The following GPC1 variants were observed in gnomAD, a reference collection of about 807,000 sequenced individuals.
GPC1 encodes the protein glypican 1.
GPC1 carries 26 observed loss-of-function variants against 51.5 expected under a neutral mutation model. The ratio of observed to expected loss-of-function variants is 0.50; its 90% CI spans 0.37 to 0.70. The LOEUF (loss-of-function observed/expected upper bound fraction) is 0.70. GPC1 is among the 30% of genes least tolerant of loss of function. The probability of loss-of-function intolerance (pLI) is 0.00; values close to 1 mark genes in which losing one functional copy is unlikely to be tolerated. For synonymous variants in GPC1, 380 were observed against 348.3 expected (o/e 1.09, Z -1.01); for missense variants, 775 against 800.5 (o/e 0.97, Z 0.38).
rs908999792 is a variant in GPC1 at position 240,464,724 on chromosome 2, A to G, written c.992A>G (p.Asn331Ser). The G allele has an allele frequency of 3.1e-6, 5 of 1,610,874 alleles. No individual in the cohort carries two copies. The highest frequency in any genetic ancestry group is 2.7e-5 in the African/African-American group (2 of 74,870). The change falls in exon 5 of 9, where the codon AAC becomes AGC. Residue 331 changes from asparagine to serine, a missense_variant. Transcript: ENST00000264039. The stretch of plus-strand genomic sequence containing the variant: ...GAGGCCATCAACGCCCTCCAGGACA[A>G]CAGGGACACGCTCACGGCCAAGGTG... Reference protein sequence around the residue: ...LAEAINALQDNRDTLTAKVIQ... With the variant: ...LAEAINALQDSRDTLTAKVIQ...
At chr2:240,464,301 CAT>C (rs2074241521) in intron 4 of GPC1, 2 of 388,222 alleles carry the variant, frequency 5.2e-6, no homozygotes, top group Non-Finnish European at 9.8e-6. Flanking sequence ...AGCGTATGTA[CAT>C]GTCAACACCT....
At chr2:240,465,286 C>T in intron 7 of GPC1, 76 bp downstream of exon 7, 2 of 1,483,096 alleles carry the variant, frequency 1.3e-6, no homozygotes, top group Non-Finnish European at 1.8e-6. Flanking sequence ...CAGGTGCTGT[C>T]TGCACGGGGC....
intron 1 of GPC1, chr2:240,453,128 C>A: frequency 3.7e-6 from 1 of 269,526 alleles, no homozygotes; most frequent in Non-Finnish European, 7.3e-6. Context: ...ACCCGCTCCT[C>A]GTCCCCACCG....
rs1343488828 is a variant in GPC1 at position 240,463,428 on chromosome 2, C to G, written c.799C>G (p.Pro267Ala). ...AHCLGVPGAR[P>A]CPDYCRNVLK... The stretch of plus-strand genomic sequence containing the variant: ...CTGCCTGGGAGTCCCCGGCGCCAGG[C>G]CCTGCCCTGACTATTGCCGAAATGT... Residue 267 changes from proline (P) to alanine (A), a missense_variant, in exon 4 of 9, where the codon CCC (proline) becomes GCC (alanine). By Grantham distance (27) the Pro-to-Ala change is conservative. Transcript: ENST00000264039. The G allele has an allele frequency of 6.2e-7, 1 of 1,612,724 alleles. No individual in the cohort carries two copies. Among genetic ancestry groups the G allele is most frequent in the Admixed American group, 1.7e-5 (1 of 60,020 alleles).
Position 240,464,733 on chromosome 2 carries a change from C to T in GPC1, c.1001C>T (p.Thr334Met), listed in dbSNP as rs745894598. The change falls in exon 5 of 9, where the codon ACG becomes ATG. Residue 334 changes from threonine (T) to methionine (M), a missense_variant. Thr to Met is a moderately conservative substitution (Grantham distance 81). Coordinates refer to ENST00000264039, the MANE Select transcript of GPC1 (RefSeq NM_002081.3). ...AINALQDNRD[T>M]LTAKVIQGCG... The stretch of plus-strand genomic sequence containing the variant: ...AACGCCCTCCAGGACAACAGGGACA[C>T]GCTCACGGCCAAGGTGCGGGCAGGA... The T allele has an allele frequency of 8.9e-5, 144 of 1,609,206 alleles. No individual in the cohort carries two copies. In the East Asian group the frequency reaches 2.7e-3, roughly 30 times the overall value.
rs558873758 is a variant in GPC1, at chr2:240,465,058, C to A, written c.1135-19C>A. On this transcript the variant is annotated intron_variant, in intron 6 of 8. Transcript: ENST00000264039. ...CGGGCGGGCCCTGGCAGCCCAGTGGCCTGACTGCTGCCCCACAGGTCTCCG... is the reference window on the plus strand; with the variant it reads ...CGGGCGGGCCCTGGCAGCCCAGTGGACTGACTGCTGCCCCACAGGTCTCCG... 5.0e-6 allele frequency: 8 copies of A among 1,592,486 alleles called. No individual in the cohort carries two copies. The highest frequency in any genetic ancestry group is 6.8e-6 in the Non-Finnish European group (8 of 1,170,452).
At position 240,467,721 on chromosome 2, in the gene GPC1, G is replaced by T. The variant is rs1415619903; in HGVS notation, c.*1431G>T. The T allele has an allele frequency of 6.6e-6, 1 of 152,332 alleles. No individual in the cohort carries two copies. Among genetic ancestry groups the T allele is most frequent in the African/African-American group, 2.4e-5 (1 of 41,464 alleles). The allele number at this position is 152,332 out of a possible 1,614,324, so 9.4% of individuals were successfully genotyped here. On this transcript the variant is annotated 3_prime_UTR_variant, in exon 9 of 9. Transcript: ENST00000264039. ...GACGGAGGTCCCCGGTTGCTGGTCA[G>T]GTCCCCATGGCTTGTTCTCTGGAAC...
intron 7 of GPC1, 124 bp downstream of exon 7, chr2:240,465,334 G>A (rs2074251630): frequency 3.0e-6 from 4 of 1,352,160 alleles, no homozygotes; most frequent in Non-Finnish European, 4.0e-6. Context: ...CCACTTCTCT[G>A]CGGCCTGTGT....
At chr2:240,442,085 TCCTGCTGA>T (rs1351312552) in intron 1 of GPC1, among the ~76,000 whole-genome samples, 9 of 152,158 alleles carry the variant, frequency 5.9e-5, no homozygotes, top group African/African-American at 2.2e-4. Flanking sequence ...TCCCGCCAGC[TCCTGCTGA>T]CCCACCTTTC....
chr2:240,444,424 C>T (rs774918835), intron 1 of GPC1, among the ~76,000 whole-genome samples: 7 of 152,214 alleles, frequency 4.6e-5, no homozygotes, highest in South Asian at 2.1e-4. Context: ...TCCTGAGCCC[C>T]GTCCTCACCC....
chr2:240,441,562 G>A (rs2074017084), intron 1 of GPC1, among the ~76,000 whole-genome samples: 1 of 152,238 alleles, frequency 6.6e-6, no homozygotes, highest in South Asian at 2.1e-4. Context: ...AGAGCCCTGA[G>A]CCGGCCTGGA....
intron 1 of GPC1, among the ~76,000 whole-genome samples, chr2:240,447,004 T>C (rs1360899268): frequency 6.6e-6 from 1 of 151,940 alleles, no homozygotes; most frequent in African/African-American, 2.4e-5. Flanking sequence ...TCCACAGCCG[T>C]GTTGGGAGCC....
chr2:240,437,144 G>C (rs1185260579), intron 1 of GPC1, among the ~76,000 whole-genome samples: 1 of 152,212 alleles, frequency 6.6e-6, no homozygotes, highest in Non-Finnish European at 1.5e-5. Flanking sequence ...TGCGGGTGGA[G>C]GGCTACTCAG....
chr2:240,462,768 C>T (rs1050354732), intron 3 of GPC1, among the ~76,000 whole-genome samples, 186 bp downstream of exon 3: 4 of 152,248 alleles, frequency 2.6e-5, no homozygotes, highest in African/African-American at 9.6e-5. Context: ...AGCGTACCCA[C>T]AGATGTGAGC....
At position 240,444,112 on chromosome 2, in the gene GPC1, A is replaced by T. The variant is rs2151786648; in HGVS notation, c.166+8028A>T. On this transcript the variant is annotated intron_variant, in intron 1 of 8. Transcript: ENST00000264039. ...TGTGAACACGGCCCGGCTTCTTTGCAGCTCCGTGTCGGGGCCATGTGAGGA... is the reference window on the plus strand; with the variant it reads ...TGTGAACACGGCCCGGCTTCTTTGCTGCTCCGTGTCGGGGCCATGTGAGGA... Among the ~76,000 whole-genome samples, 7 of 152,278 alleles carry T rather than the reference A, an allele frequency of 4.6e-5. 2 individuals are homozygous for T. The highest frequency in any genetic ancestry group is 4.6e-4 in the Admixed American group (7 of 15,310).
At chr2:240,444,661 C>CG (rs2074038378) in intron 1 of GPC1, among the ~76,000 whole-genome samples, 1 of 151,996 alleles carries the variant, frequency 6.6e-6, no homozygotes, top group African/African-American at 2.4e-5. Flanking sequence ...CAAACACCGA[C>CG]GACAGCTGTC....
intron 1 of GPC1, chr2:240,456,833 G>A (rs778549494): frequency 3.1e-6 from 1 of 325,484 alleles, no homozygotes; most frequent in Non-Finnish European, 6.3e-6. Flanking sequence ...ATGGTCCCTG[G>A]CGAGTGTACC....
At chr2:240,442,851 G>A (rs2074027049) in intron 1 of GPC1, among the ~76,000 whole-genome samples, 1 of 152,236 alleles carries the variant, frequency 6.6e-6, no homozygotes. Context: ...AATGGGCTTA[G>A]AGCTCAGCAC....
rs369980318 is a variant in GPC1, at chr2:240,462,187, G to A, written c.326-4G>A. The A allele has an allele frequency of 8.3e-5, 132 of 1,582,342 alleles. No homozygotes were observed. The highest frequency in any genetic ancestry group is 1.1e-4 in the Non-Finnish European group (125 of 1,161,332). ...TCCCGATCACGCCCCCTCCCTGTGC[G>A]CAGACCACTTCCAGCACCTGCTGAA... On this transcript the variant is annotated splice_region_variant and splice_polypyrimidine_tract_variant and intron_variant, in intron 2 of 8. Transcript: ENST00000264039.
Sources: gnomAD v4.1 joint callset for allele counts (sites outside exome capture counted in the v4.1 genomes callset) on GRCh38, gnomAD v4.1.1 for gene constraint, MANE v1.5 for transcripts, NCBI Gene and HGNC (gene_info 2026-07-23, HGNC 2026-07-21) for gene names.